The following NRXN1 variants were observed in gnomAD, a reference collection of about 807,000 sequenced individuals.
NRXN1 encodes neurexin-1.
In NRXN1, 39 loss-of-function variants were observed where a neutral mutation model predicts 150.9. The observed-to-expected ratio is 0.26, with a 90% CI of 0.20 to 0.34. The LOEUF (loss-of-function observed/expected upper bound fraction) is 0.34, where lower values mean the gene tolerates loss of function less well. Among genes scored for constraint, NRXN1 ranks in the 10% least tolerant of loss-of-function variants. The pLI, the probability that NRXN1 is intolerant of heterozygous loss-of-function variation, is 1.00. For missense variants in NRXN1, 1,815 were observed against 1,949.9 expected (o/e 0.93, Z 1.30); for synonymous variants, 924 against 757.0 (o/e 1.22, Z -3.62).
intron 21 of NRXN1, among the ~76,000 whole-genome samples, chr2:49,973,615 GCA>G (rs34492177): frequency 0.1 from 15,268 of 147,332 alleles, 793 homozygotes; most frequent in Middle Eastern, 0.21. Flanking sequence ...ACATACATAT[GCA>G]CACACACACA....
At chr2:50,252,401 G>C (rs1463073393) in intron 17 of NRXN1, among the ~76,000 whole-genome samples, 1 of 151,274 alleles carries the variant, frequency 6.6e-6, no homozygotes, top group African/African-American at 2.4e-5. Context: ...TGGGAATACA[G>C]GCATGTGCCA....
intron 2 of NRXN1, among the ~76,000 whole-genome samples, chr2:50,990,520 A>G (rs1288567212): frequency 6.6e-6 from 1 of 151,984 alleles, no homozygotes; most frequent in Non-Finnish European, 1.5e-5. Context: ...GGGAAGAAAC[A>G]CTTACATAAA....
Position 50,911,045 on chromosome 2 carries a change from C to T in NRXN1, c.832+10824G>A, listed in dbSNP as rs540153276. On this transcript the variant is annotated intron_variant, in intron 5 of 22. Transcript: ENST00000401669. ...ATACATCAGTTAAAATTATGTGGCA[C>T]TTTCAAATACTATCATCATGATTTA... is the stretch of plus-strand genomic sequence containing the variant. Among the ~76,000 whole-genome samples, 42 of 152,144 alleles carry T rather than the reference C, an allele frequency of 2.8e-4. 2 individuals are homozygous for T. In the South Asian group the frequency reaches 5.0e-3, roughly 18 times the overall value.
At chr2:50,683,571 G>A (rs2104816860) in intron 5 of NRXN1, among the ~76,000 whole-genome samples, 1 of 137,336 alleles carries the variant, frequency 7.3e-6, no homozygotes, top group Admixed American at 7.7e-5. Flanking sequence ...GGCAGACTGT[G>A]CAGTGAACCA....
chr2:50,506,674 C>A (rs889937386), intron 12 of NRXN1, 57 bp from the exon 13 acceptor site: 3 of 1,581,752 alleles, frequency 1.9e-6, no homozygotes, highest in African/African-American at 1.4e-5. Context: ...AGCAAATGAA[C>A]CTCACAGAGA....
Position 50,719,401 on chromosome 2 carries a change from C to T in NRXN1, c.833-95786G>A, listed in dbSNP as rs556916097. Among the ~76,000 whole-genome samples the T allele has an allele frequency of 3.3e-4, 50 of 151,956 alleles. 1 individual carries two copies. In the South Asian group the frequency reaches 4.6e-3, roughly 14 times the overall value. ...ATAAGTTTCGTTTTCCGGCTGGGTG[C>T]GGTGGCTCATGGAACCTGTAATCCC... On this transcript the variant is annotated intron_variant, in intron 5 of 22. Transcript: ENST00000401669.
chr2:50,681,102 T>C (rs776870324), intron 5 of NRXN1, among the ~76,000 whole-genome samples: 4 of 152,212 alleles, frequency 2.6e-5, no homozygotes, highest in Non-Finnish European at 5.9e-5. Flanking sequence ...AACAGAGAAG[T>C]TGGTCTCTCA....
chr2:50,128,967 G>C (rs1003921383), intron 18 of NRXN1, among the ~76,000 whole-genome samples: 1 of 149,704 alleles, frequency 6.7e-6, no homozygotes, highest in Non-Finnish European at 1.5e-5. Flanking sequence ...TGAGCGACAA[G>C]AGTGAGACTC....
chr2:50,194,049 G>C (rs2061603500), intron 18 of NRXN1, among the ~76,000 whole-genome samples: 1 of 152,128 alleles, frequency 6.6e-6, no homozygotes, highest in African/African-American at 2.4e-5. Context: ...TATGAGTTAA[G>C]TGACTTGCCC....
rs955619159 is a variant in NRXN1 at position 50,355,808 on chromosome 2, T to C, written c.3364+109634A>G. On this transcript the variant is annotated intron_variant, in intron 17 of 22. Coordinates refer to ENST00000401669, the MANE Select transcript of NRXN1 (RefSeq NM_001330078.2). ...CATTACTATTGTGCAGAATAAATGA[T>C]GATCAAAGCAACTGGTTAAGTCTAT... 6.6e-5 allele frequency among the ~76,000 whole-genome samples: 10 copies of C among 152,174 alleles called. No homozygotes were observed. The East Asian group carries it at 1.9e-3, about 29-fold the overall frequency.
At chr2:50,015,896 G>A (rs1686508710) in intron 21 of NRXN1, among the ~76,000 whole-genome samples, 1 of 152,052 alleles carries the variant, frequency 6.6e-6, no homozygotes. Flanking sequence ...GATTTTGTGA[G>A]GCTTAGATAA....
chr2:50,977,593 A>G (rs1696072746), intron 2 of NRXN1, among the ~76,000 whole-genome samples: 1 of 151,956 alleles, frequency 6.6e-6, no homozygotes, highest in Non-Finnish European at 1.5e-5. Context: ...TTCAACAAAA[A>G]TATTACACAG....
chr2:51,006,990 T>C (rs1051112039), intron 2 of NRXN1, among the ~76,000 whole-genome samples: 1 of 150,228 alleles, frequency 6.7e-6, no homozygotes, highest in African/African-American at 2.5e-5. Flanking sequence ...TGAACACCAA[T>C]AGAGCAGTGA....
At chr2:50,945,192 A>G (rs1215236703) in intron 2 of NRXN1, among the ~76,000 whole-genome samples, 2 of 152,218 alleles carry the variant, frequency 1.3e-5, no homozygotes, top group African/African-American at 4.8e-5. Context: ...ACAAACATAT[A>G]GGCTGAGCTC....
At position 50,240,734 on chromosome 2, in the gene NRXN1, A is replaced by G. The variant is rs150174869; in HGVS notation, c.3365-3764T>C. Among the ~76,000 whole-genome samples the G allele has an allele frequency of 8.7e-3, 1,326 of 151,752 alleles. 11 individuals are homozygous for G. The highest frequency in any genetic ancestry group is 0.028 in the African/African-American group (1,160 of 41,506). On this transcript the variant is annotated intron_variant, in intron 17 of 22. Transcript: ENST00000401669. ...CCATTTATTCTGTATTGGGATTCCTATTTGAAAAAAGATGGGGATAGCAAC... is the reference window on the plus strand; with the variant it reads ...CCATTTATTCTGTATTGGGATTCCTGTTTGAAAAAAGATGGGGATAGCAAC...
At chr2:50,861,205 A>G (rs376496690) in intron 5 of NRXN1, among the ~76,000 whole-genome samples, 34 of 152,162 alleles carry the variant, frequency 2.2e-4, no homozygotes, top group African/African-American at 7.7e-4. Flanking sequence ...ATTCTAGAGC[A>G]GCAAGGAAGT....
chr2:50,754,187 T>C (rs1015065966), intron 5 of NRXN1, among the ~76,000 whole-genome samples: 3 of 151,890 alleles, frequency 2.0e-5, no homozygotes, highest in African/African-American at 7.2e-5. Context: ...TTTAGTAGTT[T>C]AGTAATCAAA....
intron 5 of NRXN1, among the ~76,000 whole-genome samples, chr2:50,675,253 G>A (rs530715839): frequency 2.4e-4 from 36 of 152,256 alleles, no homozygotes; most frequent in Non-Finnish European, 3.5e-4. Flanking sequence ...AAGAGACTAA[G>A]AAGCCCAGAA....
At chr2:49,958,922 G>A (rs567963529) in intron 21 of NRXN1, among the ~76,000 whole-genome samples, 1 of 152,232 alleles carries the variant, frequency 6.6e-6, no homozygotes, top group Admixed American at 6.5e-5. Context: ...TGAGAAATTG[G>A]CTATAAGGTA....
Sources: allele counts gnomAD v4.1 joint callset (sites outside exome capture counted in the v4.1 genomes callset), GRCh38; gene constraint gnomAD v4.1.1; transcripts MANE v1.5; gene names NCBI Gene and HGNC (gene_info 2026-07-23, HGNC 2026-07-21).